The following WDR70 variants were observed in gnomAD, a reference collection of about 807,000 sequenced individuals.
The protein encoded by WDR70 is WD repeat-containing protein 70.
Under a neutral mutation model 88.6 loss-of-function variants are expected in WDR70, and 53 were observed. The ratio of observed to expected loss-of-function variants is 0.60; its 90% CI spans 0.48 to 0.75. The LOEUF (loss-of-function observed/expected upper bound fraction) is 0.75. WDR70 is among the 30% of genes least tolerant of loss of function. WDR70 has a pLI of 0.00. For missense variants in WDR70, 610 were observed against 823.2 expected, an observed-to-expected ratio of 0.74 and a Z score of 3.17; for synonymous variants, 280 against 270.0, an observed-to-expected ratio of 1.04 and a Z score of -0.36.
chr5:37,423,798 G>A (rs62360223), intron 5 of WDR70, among the ~76,000 whole-genome samples: 2 of 146,550 alleles, frequency 1.4e-5, no homozygotes, highest in East Asian at 2.1e-4. Context: ...TCCTGACCTC[G>A]TGGTCCGCCC....
chr5:37,619,289 A>AC (rs1177407507), intron 10 of WDR70, among the ~76,000 whole-genome samples: 80 of 151,958 alleles, frequency 5.3e-4, no homozygotes, highest in Admixed American at 1.4e-3. Flanking sequence ...AAAAAAAAAA[A>AC]AACTTTTGAC....
intron 5 of WDR70, among the ~76,000 whole-genome samples, chr5:37,414,789 T>C (rs1290547990): frequency 1.3e-5 from 2 of 152,002 alleles, no homozygotes; most frequent in Non-Finnish European, 2.9e-5. Context: ...TTATTCTTTT[T>C]TTTTTTATTT....
intron 8 of WDR70, among the ~76,000 whole-genome samples, chr5:37,482,540 A>T (rs530279151): frequency 6.6e-6 from 1 of 152,202 alleles, no homozygotes; most frequent in Non-Finnish European, 1.5e-5. Context: ...CCCATGATTC[A>T]GTTATCTGCA....
At chr5:37,514,936 A>G (rs1457791995) in intron 8 of WDR70, among the ~76,000 whole-genome samples, 1 of 151,524 alleles carries the variant, frequency 6.6e-6, no homozygotes, top group East Asian at 1.9e-4. Flanking sequence ...GGATCACTTG[A>G]GCCTGGGAGG....
At chr5:37,486,163 G>A (rs1421587356) in intron 8 of WDR70, among the ~76,000 whole-genome samples, 6 of 151,980 alleles carry the variant, frequency 3.9e-5, no homozygotes, top group African/African-American at 1.5e-4. Context: ...AGAATCTGCT[G>A]TAATCTTTTT....
At chr5:37,564,253 C>A (rs1368551572) in intron 9 of WDR70, among the ~76,000 whole-genome samples, 1 of 152,134 alleles carries the variant, frequency 6.6e-6, no homozygotes, top group Non-Finnish European at 1.5e-5. Context: ...ACTGAGTGAA[C>A]GCGACTCCGT....
chr5:37,640,632 A>G (rs755339139), intron 10 of WDR70, among the ~76,000 whole-genome samples: 9 of 152,200 alleles, frequency 5.9e-5, no homozygotes, highest in Non-Finnish European at 1.3e-4. Flanking sequence ...TTACCTTTTG[A>G]TCTTAAAGCA....
At chr5:37,419,395 G>A (rs1012115838) in intron 5 of WDR70, among the ~76,000 whole-genome samples, 2 of 149,844 alleles carry the variant, frequency 1.3e-5, no homozygotes, top group African/African-American at 2.5e-5. Context: ...TAGTAGAGAC[G>A]GGGTTTCACC....
chr5:37,524,237 C>T (rs1000883838), intron 9 of WDR70, among the ~76,000 whole-genome samples: 22 of 152,250 alleles, frequency 1.4e-4, no homozygotes, highest in East Asian at 5.8e-4. Flanking sequence ...AGAGAAAGGT[C>T]GGGTTACTCA....
At chr5:37,501,667 C>CAA (rs1190660197) in intron 8 of WDR70, among the ~76,000 whole-genome samples, 5 of 152,040 alleles carry the variant, frequency 3.3e-5, no homozygotes, top group Non-Finnish European at 7.4e-5. Context: ...TGTGGCTGTC[C>CAA]AGTTTTCCCA....
At position 37,687,557 on chromosome 5, in the gene WDR70, A is replaced by G. The variant is rs544664474; in HGVS notation, c.1093-10098A>G. 3.0e-4 allele frequency among the ~76,000 whole-genome samples: 45 copies of G among 152,322 alleles called. No homozygotes were observed. The South Asian group carries it at 9.3e-3, about 32-fold the overall frequency. ...TGAATTCTAAAAGTTTCAAAACATT[A>G]CACCTCCAATATAATGTTCCTTTAA... On this transcript the variant is annotated intron_variant, in intron 10 of 17. Transcript: ENST00000265107.
rs1489745692 is a variant in WDR70, at chr5:37,428,071, G to C, written c.493-9851G>C. ...GCCTTTTGGACCATCACCTAGACTTGTTGAATTTATGAGGGCAACAAGCTG... is the reference window on the plus strand; with the variant it reads ...GCCTTTTGGACCATCACCTAGACTTCTTGAATTTATGAGGGCAACAAGCTG... On this transcript the variant is annotated intron_variant, in intron 5 of 17. Transcript: ENST00000265107. Among the ~76,000 whole-genome samples the C allele has an allele frequency of 2.7e-5, 4 of 148,584 alleles. No homozygotes were observed. The Admixed American group carries it at 2.7e-4, about 10-fold the overall frequency.
At chr5:37,436,250 A>T (rs937112748) in intron 5 of WDR70, among the ~76,000 whole-genome samples, 2 of 152,152 alleles carry the variant, frequency 1.3e-5, no homozygotes, top group Admixed American at 1.3e-4. Flanking sequence ...GCTATCATTT[A>T]TTGAGCTCTA....
At chr5:37,554,766 G>A (rs141115794) in intron 9 of WDR70, among the ~76,000 whole-genome samples, 2,207 of 151,896 alleles carry the variant, frequency 0.015, 35 homozygotes, top group Middle Eastern at 0.078. Flanking sequence ...TTATTCACAG[G>A]TGTAATCATA....
intron 5 of WDR70, among the ~76,000 whole-genome samples, chr5:37,406,817 G>A (rs1184098390): frequency 6.6e-6 from 1 of 152,160 alleles, no homozygotes; most frequent in African/African-American, 2.4e-5. Context: ...AACAGTCAGT[G>A]TTGTACATAA....
intron 3 of WDR70, among the ~76,000 whole-genome samples, chr5:37,384,565 C>T (rs1581239234): frequency 7.0e-6 from 1 of 142,092 alleles, no homozygotes; most frequent in African/African-American, 2.6e-5. Context: ...GAGGCTGAGG[C>T]AGGAGAATGG....
intron 13 of WDR70, among the ~76,000 whole-genome samples, chr5:37,706,302 A>G (rs1747319076): frequency 6.6e-6 from 1 of 152,214 alleles, no homozygotes; most frequent in African/African-American, 2.4e-5. Context: ...CGCATTTTAC[A>G]ATTCTGCTAA....
chr5:37,594,683 T>C (rs1490849245), intron 9 of WDR70, among the ~76,000 whole-genome samples: 4 of 152,208 alleles, frequency 2.6e-5, no homozygotes, highest in Non-Finnish European at 5.9e-5. Flanking sequence ...AAGAAAGTCA[T>C]TGGTAGCTTG....
intron 6 of WDR70, among the ~76,000 whole-genome samples, chr5:37,442,463 C>T (rs1750686646): frequency 6.6e-6 from 1 of 151,782 alleles, no homozygotes; most frequent in African/African-American, 2.4e-5. Context: ...CTCAGCATTA[C>T]AGGTGCATGC....
Sources: gnomAD v4.1 joint callset for allele counts (sites outside exome capture counted in the v4.1 genomes callset) on GRCh38, gnomAD v4.1.1 for gene constraint, MANE v1.5 for transcripts, NCBI Gene and HGNC (gene_info 2026-07-23, HGNC 2026-07-21) for gene names.